Variants in PLA2G4E observed in about 807,000 individuals in gnomAD.
PLA2G4E encodes the protein cytosolic phospholipase A2 epsilon.
A neutral mutation model predicts 109.1 loss-of-function variants in PLA2G4E; 84 were observed. The observed-to-expected ratio is 0.77, with a 90% CI of 0.65 to 0.92. The LOEUF (loss-of-function observed/expected upper bound fraction) is 0.92. Ranked by LOEUF, PLA2G4E falls within the 40% of genes least tolerant of loss-of-function variation. The pLI is 0.00. For synonymous variants in PLA2G4E, 469 were observed against 436.1 expected, an observed-to-expected ratio of 1.08 and a Z score of -0.94; for missense variants, 1,057 against 1,076.6, an observed-to-expected ratio of 0.98 and a Z score of 0.25.
At chr15:42,033,450 A>ACTGGGAGGGCTT (rs1889150701) in intron 1 of PLA2G4E, among the ~76,000 whole-genome samples, 1 of 152,104 alleles carries the variant, frequency 6.6e-6, no homozygotes, top group East Asian at 1.9e-4. Context: ...CCCTTATGAC[A>ACTGGGAGGGCTT]CTGGGAGGGC....
At chr15:42,032,030 G>C (rs1385833784) in intron 1 of PLA2G4E, among the ~76,000 whole-genome samples, 2 of 152,134 alleles carry the variant, frequency 1.3e-5, no homozygotes, top group Non-Finnish European at 2.9e-5. Flanking sequence ...GTTCATGCAA[G>C]ATCTAGTTGT....
chr15:42,006,779 AG>A (rs750616492), intron 3 of PLA2G4E, among the ~76,000 whole-genome samples: 5 of 152,158 alleles, frequency 3.3e-5, no homozygotes, highest in Non-Finnish European at 7.3e-5. Flanking sequence ...ATGTGGGTTG[AG>A]GCTGCCTCTT....
intron 1 of PLA2G4E, among the ~76,000 whole-genome samples, chr15:42,036,287 C>A (rs1433481582): frequency 6.6e-6 from 1 of 152,102 alleles, no homozygotes; most frequent in Non-Finnish European, 1.5e-5. Context: ...AGAGGAGCAG[C>A]GCAGCTGGGG....
intron 1 of PLA2G4E, among the ~76,000 whole-genome samples, chr15:42,022,441 A>G (rs777394312): frequency 2.0e-5 from 3 of 152,164 alleles, no homozygotes; most frequent in Middle Eastern, 3.4e-3. Context: ...TCATATTGTC[A>G]TATATAATGA....
intron 1 of PLA2G4E, among the ~76,000 whole-genome samples, chr15:42,030,049 C>T (rs1043604188): frequency 6.6e-6 from 1 of 151,988 alleles, no homozygotes; most frequent in Non-Finnish European, 1.5e-5. Context: ...TTGAACTTGC[C>T]CTTGAAGAAG....
chr15:42,001,214 G>A lies in PLA2G4E; in HGVS notation c.616C>T (p.Gln206Ter). 2 of 1,613,246 alleles carry A rather than the reference G, an allele frequency of 1.2e-6. No homozygotes were observed. Among genetic ancestry groups the A allele is most frequent in the Non-Finnish European group, 1.7e-6 (2 of 1,179,254 alleles). ...GCATGAACCTCCAGGCAGGAGACTTGTCGAGACTGTAAAAAACAAAGGAGG... is the reference window on the plus strand; with the variant it reads ...GCATGAACCTCCAGGCAGGAGACTTATCGAGACTGTAAAAAACAAAGGAGG... The change falls in exon 7 of 20, where the codon CAA (glutamine) becomes TAA (stop). Residue 206 changes from glutamine (Q) to a stop codon, truncating the protein, a stop_gained. Coordinates refer to ENST00000399518, the Ensembl canonical transcript of PLA2G4E. LOFTEE classifies it high-confidence loss of function.
rs751335192 is a variant in PLA2G4E, at chr15:41,988,171, C to T, written c.1724-15G>A. ...GCTCCACAGGCCTGGGAGCCAGGGCCAGCGTGAGCAGCTCCACCCTGCAGC... is the reference window on the plus strand; with the variant it reads ...GCTCCACAGGCCTGGGAGCCAGGGCTAGCGTGAGCAGCTCCACCCTGCAGC... On this transcript the variant is annotated splice_polypyrimidine_tract_variant and intron_variant, in intron 15 of 19. Transcript: ENST00000399518. 2 of 1,555,614 alleles carry T rather than the reference C, an allele frequency of 1.3e-6. No individual in the cohort carries two copies. Among genetic ancestry groups the T allele is most frequent in the Non-Finnish European group, 1.7e-6 (2 of 1,143,090 alleles).
chr15:41,993,005 C>A, intron 12 of PLA2G4E, 46 bp from the exon 13 acceptor site: 2 of 1,524,296 alleles, frequency 1.3e-6, no homozygotes, highest in South Asian at 1.2e-5. Flanking sequence ...CGGCCCCTGT[C>A]TGATGAGTCC....
At chr15:42,005,202 T>C (rs1366379416) in intron 4 of PLA2G4E, among the ~76,000 whole-genome samples, 1 of 152,222 alleles carries the variant, frequency 6.6e-6, no homozygotes, top group Admixed American at 6.5e-5. Flanking sequence ...GGTGTGGAGC[T>C]GACCCCCAGC....
At chr15:41,982,193 C>T (rs376070739) in exon 20 of PLA2G4E, 7 of 152,300 alleles carry the variant, frequency 4.6e-5, no homozygotes, top group African/African-American at 1.2e-4. Context: ...AAGGGGACTC[C>T]GCCTTCCAGG....
At chr15:42,019,291 C>T (rs2068625523) in intron 1 of PLA2G4E, among the ~76,000 whole-genome samples, 1 of 152,214 alleles carries the variant, frequency 6.6e-6, no homozygotes, top group African/African-American at 2.4e-5. Context: ...AGAATCTAGC[C>T]GTTACCACAA....
At position 42,027,844 on chromosome 15, in the gene PLA2G4E, C is replaced by T. The variant is rs138717433; in HGVS notation, c.184-14087G>A. Among the ~76,000 whole-genome samples the T allele has an allele frequency of 6.8e-3, 521 of 76,318 alleles. 4 individuals carry two copies. The highest frequency in any genetic ancestry group is 0.056 in the South Asian group (130 of 2,330). 50.1% of individuals were successfully genotyped at this position (76,318 alleles called of 152,430 possible). On this transcript the variant is annotated intron_variant, in intron 1 of 19. Transcript: ENST00000399518. Reference sequence around the variant, plus strand: ...CATCCATCACAGCCCTGCTCAAATGCCATTTTCTGTGGCAGCCCTCCTGGG... The same window carrying T: ...CATCCATCACAGCCCTGCTCAAATGTCATTTTCTGTGGCAGCCCTCCTGGG...
chr15:42,024,406 A>T (rs923249685), intron 1 of PLA2G4E, among the ~76,000 whole-genome samples: 13 of 152,210 alleles, frequency 8.5e-5, no homozygotes, highest in Non-Finnish European at 1.9e-4. Flanking sequence ...CCCCTGGGCT[A>T]CTTGGGCCCA....
At chr15:42,026,335 T>A (rs1038876400) in intron 1 of PLA2G4E, among the ~76,000 whole-genome samples, 1 of 152,182 alleles carries the variant, frequency 6.6e-6, no homozygotes, top group Non-Finnish European at 1.5e-5. Context: ...AACTGTTTAA[T>A]GGGTGACATG....
chr15:42,041,167 T>C (rs1266537266), intron 1 of PLA2G4E, among the ~76,000 whole-genome samples: 1 of 152,232 alleles, frequency 6.6e-6, no homozygotes, highest in Non-Finnish European at 1.5e-5. Context: ...TCAGCAACTG[T>C]ATTTCTAGGA....
chr15:42,035,784 C>G (rs950737969), intron 1 of PLA2G4E, among the ~76,000 whole-genome samples: 1 of 152,078 alleles, frequency 6.6e-6, no homozygotes, highest in African/African-American at 2.4e-5. Flanking sequence ...TCATAGGTAT[C>G]CATTTTATTA....
intron 1 of PLA2G4E, among the ~76,000 whole-genome samples, chr15:42,033,224 C>T (rs761940019): frequency 6.6e-6 from 1 of 152,148 alleles, no homozygotes; most frequent in Non-Finnish European, 1.5e-5. Flanking sequence ...GGATTAAAGT[C>T]AGCAGCCCTG....
At chr15:42,005,005 T>C in intron 4 of PLA2G4E, 27 bp from the exon 5 acceptor site, 1 of 1,610,818 alleles carries the variant, frequency 6.2e-7, no homozygotes, top group Non-Finnish European at 8.5e-7. Context: ...GGAAGGCAGC[T>C]GTGAGTGGCG....
At chr15:42,005,490 G>A (rs1027605164) in intron 4 of PLA2G4E, among the ~76,000 whole-genome samples, 10 of 151,766 alleles carry the variant, frequency 6.6e-5, no homozygotes, top group Admixed American at 6.5e-4. Context: ...TGCCTAGAAC[G>A]GTGCCGGCCC....
Sources: allele counts gnomAD v4.1 joint callset (sites outside exome capture counted in the v4.1 genomes callset), GRCh38; gene constraint gnomAD v4.1.1; transcripts MANE v1.5; gene names NCBI Gene and HGNC (gene_info 2026-07-23, HGNC 2026-07-21).